Variants in ZNF713 observed in about 807,000 individuals in gnomAD.
ZNF713 encodes the protein zinc finger protein 713.
In ZNF713, 21 loss-of-function variants were observed where a neutral mutation model predicts 28.7. The observed-to-expected ratio is 0.73, with a 90% CI of 0.52 to 1.05. The LOEUF is 1.05. Among genes scored for constraint, ZNF713 ranks in the 50% least tolerant of loss-of-function variants. The pLI, the probability that ZNF713 is intolerant of heterozygous loss-of-function variation, is 0.00. For synonymous variants in ZNF713, 167 were observed against 178.0 expected (o/e 0.94, Z 0.49); for missense variants, 458 against 532.4 (o/e 0.86, Z 1.37).
chr7:55,895,518 G>C (rs113338514), intron 1 of ZNF713, among the ~76,000 whole-genome samples: 1 of 127,610 alleles, frequency 7.8e-6, no homozygotes, highest in Non-Finnish European at 1.6e-5. Context: ...GCCCAGGCTG[G>C]AGTGCAATGG....
At chr7:55,888,101 T>G (rs948020283) in intron 1 of ZNF713, among the ~76,000 whole-genome samples, 3 of 152,224 alleles carry the variant, frequency 2.0e-5, no homozygotes, top group Admixed American at 2.0e-4. Context: ...TGGGCAAGCG[T>G]CCATAGGTGT....
At chr7:55,912,997 C>A (rs552616691) in intron 4 of ZNF713, among the ~76,000 whole-genome samples, 1 of 152,078 alleles carries the variant, frequency 6.6e-6, no homozygotes, top group Non-Finnish European at 1.5e-5. Context: ...GTCTTTTAAT[C>A]GTCCTTAAAT....
intron 1 of ZNF713, among the ~76,000 whole-genome samples, chr7:55,895,514 G>GCTGGA (rs1395851674): frequency 7.5e-6 from 1 of 132,776 alleles, no homozygotes; most frequent in Non-Finnish European, 1.5e-5. Flanking sequence ...TATTGCCCAG[G>GCTGGA]CTGGAGTGCA....
At chr7:55,909,303 A>G (rs1432134061) in intron 2 of ZNF713, among the ~76,000 whole-genome samples, 1 of 151,218 alleles carries the variant, frequency 6.6e-6, no homozygotes, top group East Asian at 1.9e-4. Flanking sequence ...TCCTTTCCCC[A>G]TGTATATTTT....
intron 2 of ZNF713, among the ~76,000 whole-genome samples, chr7:55,909,082 C>T (rs936679005): frequency 6.6e-6 from 1 of 151,168 alleles, no homozygotes; most frequent in Non-Finnish European, 1.5e-5. Context: ...CCTGTAATCC[C>T]AGCTACTTGG....
intron 6 of ZNF713, among the ~76,000 whole-genome samples, chr7:55,930,652 G>A (rs1197718229): frequency 2.0e-5 from 3 of 152,098 alleles, no homozygotes; most frequent in Admixed American, 1.3e-4. Flanking sequence ...CCAGCTATTC[G>A]GGAGGCTGAG....
At chr7:55,927,276 C>T (rs533041736) in intron 6 of ZNF713, among the ~76,000 whole-genome samples, 15 of 152,278 alleles carry the variant, frequency 9.9e-5, no homozygotes, top group African/African-American at 3.6e-4. Context: ...GTGGCTCACG[C>T]CTAGCACTTT....
At position 55,941,665 on chromosome 7, in the gene ZNF713, A is replaced by C. The variant is rs1203978968; in HGVS notation, c.*1659A>C. ...CTTCTCCTAGGAAATACTATTTAGC[A>C]TATAAAATAAGTTATATGCTAGTTT... On this transcript the variant is annotated 3_prime_UTR_variant, in exon 7 of 7. Transcript: ENST00000429591. The C allele has an allele frequency of 6.6e-6, 1 of 152,132 alleles. No homozygotes were observed. Among genetic ancestry groups the C allele is most frequent in the South Asian group, 2.1e-4 (1 of 4,826 alleles). The allele number at this position is 152,132 out of a possible 1,614,324, so 9.4% of individuals were successfully genotyped here.
intron 6 of ZNF713, chr7:55,924,759 C>G: frequency 6.6e-6 from 1 of 152,186 alleles, no homozygotes; most frequent in East Asian, 1.9e-4. Context: ...CCTGTAGGCC[C>G]AGCTACTTGG....
intron 2 of ZNF713, among the ~76,000 whole-genome samples, chr7:55,909,260 C>T (rs1207669413): frequency 6.6e-6 from 1 of 150,704 alleles, no homozygotes; most frequent in East Asian, 1.9e-4. Flanking sequence ...GTTGGCTATC[C>T]AAGTTTTCCC....
intron 2 of ZNF713, among the ~76,000 whole-genome samples, chr7:55,909,196 CAAAAAAAAAA>C (rs71015121): frequency 5.6e-5 from 3 of 53,362 alleles, no homozygotes; most frequent in South Asian, 1.3e-3. Context: ...AAGACTCCGT[CAAAAAAAAAA>C]AAAAAAAAAA....
chr7:55,912,313 CA>C (rs746898205), intron 3 of ZNF713, among the ~76,000 whole-genome samples: 2 of 152,180 alleles, frequency 1.3e-5, no homozygotes, highest in Non-Finnish European at 2.9e-5. Context: ...AGACCCATGC[CA>C]GATCAATTAA....
At chr7:55,887,899 C>CGGGT (rs1785305866) in intron 1 of ZNF713, among the ~76,000 whole-genome samples, 1 of 128,666 alleles carries the variant, frequency 7.8e-6, no homozygotes, top group African/African-American at 3.3e-5. Flanking sequence ...GCGGCGGCGG[C>CGGGT]GGCGGGAGGC....
intron 1 of ZNF713, among the ~76,000 whole-genome samples, chr7:55,903,090 T>C (rs182376743): frequency 6.6e-6 from 1 of 151,258 alleles, no homozygotes; most frequent in East Asian, 1.9e-4. Flanking sequence ...GTAGAGTGAG[T>C]GGTATACAGG....
chr7:55,921,265 CA>C (rs921308390), intron 4 of ZNF713, among the ~76,000 whole-genome samples: 2 of 152,170 alleles, frequency 1.3e-5, no homozygotes, highest in Admixed American at 1.3e-4. Flanking sequence ...TGGAGATGTA[CA>C]AGAAGACTAA....
Position 55,923,218 on chromosome 7 carries a change from G to A in ZNF713, c.144G>A (p.Gln48=). ...AVDFTREEWD[Q]LYPAQKNLYR... ...ACTTCACCAGAGAGGAGTGGGACCA[G>A]CTGTACCCTGCCCAAAAGAACCTCT... The change falls in exon 5 of 7, where the codon CAG becomes CAA. Residue 48 remains glutamine, a synonymous_variant. Coordinates refer to ENST00000429591, the MANE Select transcript of ZNF713 (RefSeq NM_182633.3). 6.2e-7 allele frequency: 1 copy of A among 1,613,982 alleles called. No individual in the cohort carries two copies. Among genetic ancestry groups the A allele is most frequent in the Non-Finnish European group, 8.5e-7 (1 of 1,179,946 alleles).
Position 55,939,207 on chromosome 7 carries a change from G to A in ZNF713, c.533G>A (p.Arg178Lys). ...ACCCACAAAAAGATCACACAGGAGAGAAGCCTTGAGTGTAATAAATTTGCA... is the reference window on the plus strand; with the variant it reads ...ACCCACAAAAAGATCACACAGGAGAAAAGCCTTGAGTGTAATAAATTTGCA... Reference protein sequence around the residue: ...TLTHKKITQERSLECNKFAEN... With the variant: ...TLTHKKITQEKSLECNKFAEN... The change falls in exon 7 of 7, where the codon AGA (arginine) becomes AAA (lysine). Residue 178 changes from arginine to lysine, a missense_variant. Arg to Lys is a conservative substitution (Grantham distance 26). Transcript: ENST00000429591. The A allele has an allele frequency of 1.9e-6, 3 of 1,614,110 alleles. No individual in the cohort carries two copies. The highest frequency in any genetic ancestry group is 2.5e-6 in the Non-Finnish European group (3 of 1,180,008).
chr7:55,934,053 G>A (rs1020443908), intron 6 of ZNF713, among the ~76,000 whole-genome samples: 1 of 152,138 alleles, frequency 6.6e-6, no homozygotes, highest in Non-Finnish European at 1.5e-5. Context: ...ACCAGATTTT[G>A]TGTGGGTGAA....
At chr7:55,919,582 T>C (rs1194232039) in intron 4 of ZNF713, among the ~76,000 whole-genome samples, 2 of 138,760 alleles carry the variant, frequency 1.4e-5, no homozygotes, top group African/African-American at 5.4e-5. Flanking sequence ...CCTGGCTCAC[T>C]GCAACCTCCA....
Sources: gnomAD v4.1 joint callset for allele counts (sites outside exome capture counted in the v4.1 genomes callset) on GRCh38, gnomAD v4.1.1 for gene constraint, MANE v1.5 for transcripts, NCBI Gene and HGNC (gene_info 2026-07-23, HGNC 2026-07-21) for gene names.